DIP2B: variants seen among roughly 807,000 people sequenced by gnomAD.
DIP2B encodes DIP2 acetate--CoA ligase B (putative).
A neutral mutation model predicts 198.0 loss-of-function variants in DIP2B; 76 were observed. That is an observed-to-expected ratio of 0.38 (90% CI 0.32 to 0.46). The LOEUF (loss-of-function observed/expected upper bound fraction) is 0.46, where lower values mean the gene tolerates loss of function less well. DIP2B is among the 20% of genes least tolerant of loss of function. DIP2B has a pLI of 0.99. For synonymous variants in DIP2B, 701 were observed against 739.1 expected (o/e 0.95, Z 0.84); for missense variants, 1,559 against 1,978.4 (o/e 0.79, Z 4.02).
Position 50,586,346 on chromosome 12 carries a change from G to A in DIP2B, c.101-39630G>A, listed in dbSNP as rs187980126. Among the ~76,000 whole-genome samples the A allele has an allele frequency of 2.2e-3, 341 of 152,258 alleles. 3 individuals carry two copies. Among genetic ancestry groups the A allele is most frequent in the Middle Eastern group, 6.8e-3 (2 of 294 alleles). The stretch of plus-strand genomic sequence containing the variant: ...GGAGGATGTAGAGAGGCAGGTCCAG[G>A]CAGATGACATGGGGCCTGGACTCAA... On this transcript the variant is annotated intron_variant, in intron 1 of 37. Transcript: ENST00000301180.
intron 1 of DIP2B, among the ~76,000 whole-genome samples, chr12:50,610,536 G>T (rs1959022380): frequency 1.3e-5 from 2 of 148,868 alleles, no homozygotes; most frequent in South Asian, 4.2e-4. Flanking sequence ...ACAGAGTCTT[G>T]CTCTGTACAT....
At chr12:50,536,487 A>G (rs542982707) in intron 1 of DIP2B, among the ~76,000 whole-genome samples, 1 of 152,238 alleles carries the variant, frequency 6.6e-6, no homozygotes, top group South Asian at 2.1e-4. Flanking sequence ...TATAGTGAGA[A>G]CCATCATTCC....
chr12:50,612,233 T>A (rs1247993789), intron 1 of DIP2B, among the ~76,000 whole-genome samples: 1 of 152,048 alleles, frequency 6.6e-6, no homozygotes, highest in Non-Finnish European at 1.5e-5. Context: ...GGCCACAGAG[T>A]GAGACCCTGT....
At chr12:50,510,809 C>A (rs1958007983) in intron 1 of DIP2B, among the ~76,000 whole-genome samples, 2 of 152,112 alleles carry the variant, frequency 1.3e-5, no homozygotes, top group South Asian at 4.2e-4. Flanking sequence ...CCACGCCTGG[C>A]TAATTTTGTA....
chr12:50,616,023 C>T (rs1232428622), intron 1 of DIP2B, among the ~76,000 whole-genome samples: 1 of 152,216 alleles, frequency 6.6e-6, no homozygotes, highest in Admixed American at 6.5e-5. Context: ...TAACCAGCGC[C>T]TGATGATGAG....
At chr12:50,584,673 C>T (rs1029866084) in intron 1 of DIP2B, among the ~76,000 whole-genome samples, 4 of 152,206 alleles carry the variant, frequency 2.6e-5, no homozygotes, top group Non-Finnish European at 5.9e-5. Context: ...AAGCGATTCT[C>T]CTGCCTCAGC....
At chr12:50,679,498 G>T (rs561369398) in intron 8 of DIP2B, 1 of 152,498 alleles carries the variant, frequency 6.6e-6, no homozygotes, top group Non-Finnish European at 1.5e-5. Context: ...GAATTACGCA[G>T]GTTGACATAG....
At position 50,523,335 on chromosome 12, in the gene DIP2B, G is replaced by A. The variant is rs955390066; in HGVS notation, c.100+18095G>A. Among the ~76,000 whole-genome samples, 5 of 151,964 alleles carry A rather than the reference G, an allele frequency of 3.3e-5. No individual in the cohort carries two copies. The East Asian group carries it at 9.6e-4, about 29-fold the overall frequency. ...GTTGTTATTCTTTATAATTCAGAGA[G>A]TGATGACAGGAAAAAAAAAATCTGT... On this transcript the variant is annotated intron_variant, in intron 1 of 37. Coordinates refer to ENST00000301180, the MANE Select transcript of DIP2B (RefSeq NM_173602.3).
At chr12:50,578,347 T>C (rs1372766769) in intron 1 of DIP2B, among the ~76,000 whole-genome samples, 2 of 139,296 alleles carry the variant, frequency 1.4e-5, no homozygotes, top group Non-Finnish European at 3.2e-5. Flanking sequence ...CGTACATCTT[T>C]TTTTTGTTTG....
intron 2 of DIP2B, among the ~76,000 whole-genome samples, chr12:50,633,087 G>T (rs539688101): frequency 6.6e-6 from 1 of 152,070 alleles, no homozygotes; most frequent in Non-Finnish European, 1.5e-5. Flanking sequence ...CCTTGTGAAT[G>T]ATTTTTTTTG....
chr12:50,690,547 A>G (rs1388141970), intron 12 of DIP2B, among the ~76,000 whole-genome samples: 1 of 152,228 alleles, frequency 6.6e-6, no homozygotes, highest in Non-Finnish European at 1.5e-5. Context: ...AGGAAAGTTG[A>G]TAGTCCTGGT....
intron 29 of DIP2B, 127 bp downstream of exon 29, chr12:50,727,939 G>A (rs1196532594): frequency 2.7e-5 from 19 of 708,690 alleles, no homozygotes; most frequent in Non-Finnish European, 4.0e-5. Flanking sequence ...GATCTAAGTC[G>A]CTGCTCTATT....
chr12:50,598,070 C>G (rs1958893497), intron 1 of DIP2B, among the ~76,000 whole-genome samples: 1 of 152,152 alleles, frequency 6.6e-6, no homozygotes, highest in South Asian at 2.1e-4. Context: ...CAAGTAATTT[C>G]TAAATATGAG....
At chr12:50,668,172 C>T (rs533805807) in intron 4 of DIP2B, among the ~76,000 whole-genome samples, 2 of 152,204 alleles carry the variant, frequency 1.3e-5, no homozygotes, top group Non-Finnish European at 1.5e-5. Context: ...ACTTAGCCAT[C>T]AGGCCTTGGG....
intron 1 of DIP2B, among the ~76,000 whole-genome samples, chr12:50,554,828 C>T (rs957685159): frequency 5.5e-5 from 8 of 146,480 alleles, no homozygotes; most frequent in African/African-American, 1.5e-4. Flanking sequence ...AATGCAGTGG[C>T]GCCATCTCGA....
chr12:50,591,830 A>G (rs1025566871), intron 1 of DIP2B, among the ~76,000 whole-genome samples: 2 of 151,400 alleles, frequency 1.3e-5, no homozygotes, highest in African/African-American at 4.8e-5. Flanking sequence ...TTTACGTATC[A>G]GGGGACTAAA....
intron 1 of DIP2B, among the ~76,000 whole-genome samples, chr12:50,553,172 A>G (rs10747583): frequency 0.32 from 48,582 of 152,084 alleles, 7,941 homozygotes; most frequent in South Asian, 0.39. Flanking sequence ...ATAAAGGTAC[A>G]TCTTCATTCT....
intron 13 of DIP2B, among the ~76,000 whole-genome samples, chr12:50,692,350 C>G (rs1473473916): frequency 6.6e-6 from 1 of 151,488 alleles, no homozygotes; most frequent in African/African-American, 2.4e-5. Flanking sequence ...ATTTGTCAAA[C>G]TTCCCAAGTT....
chr12:50,673,170 CG>C (rs1938884395), intron 5 of DIP2B, among the ~76,000 whole-genome samples: 1 of 152,052 alleles, frequency 6.6e-6, no homozygotes, highest in Non-Finnish European at 1.5e-5. Context: ...AAAGGTATAC[CG>C]GAATATACTC....
Sources: gnomAD v4.1 joint callset for allele counts (sites outside exome capture counted in the v4.1 genomes callset) on GRCh38, gnomAD v4.1.1 for gene constraint, MANE v1.5 for transcripts, NCBI Gene and HGNC (gene_info 2026-07-23, HGNC 2026-07-21) for gene names.